PACS2: variants seen among roughly 807,000 people sequenced by gnomAD.
The protein encoded by PACS2 is phosphofurin acidic cluster sorting protein 2, also known as PACS1-like protein.
PACS2 carries 36 observed loss-of-function variants against 113.0 expected under a neutral mutation model. The observed-to-expected ratio is 0.32, with a 90% CI of 0.24 to 0.42. PACS2 has a LOEUF of 0.42. Ranked by LOEUF, PACS2 falls within the 10% of genes least tolerant of loss-of-function variation. PACS2 has a pLI of 1.00. For synonymous variants in PACS2, 589 were observed against 536.1 expected, an observed-to-expected ratio of 1.10 and a Z score of -1.36; for missense variants, 1,015 against 1,239.5, an observed-to-expected ratio of 0.82 and a Z score of 2.72.
intron 3 of PACS2, among the ~76,000 whole-genome samples, chr14:105,353,183 C>T (rs1225427323): frequency 5.5e-5 from 6 of 109,238 alleles, no homozygotes; most frequent in Non-Finnish European, 7.3e-5. Context: ...CCTGGGGTGA[C>T]GGGCCCCCCC....
At chr14:105,342,315 C>T (rs954921056) in intron 1 of PACS2, among the ~76,000 whole-genome samples, 5 of 151,714 alleles carry the variant, frequency 3.3e-5, no homozygotes, top group African/African-American at 1.2e-4. Flanking sequence ...GTCACCCAGG[C>T]TGAGTGTAGT....
Position 105,396,903 on chromosome 14 carries a change from A to AG in PACS2, c.*2235dup, listed in dbSNP as rs2081545750. 6.6e-6 allele frequency: 1 copy of AG among 152,262 alleles called. No individual in the cohort carries two copies. The highest frequency in any genetic ancestry group is 2.1e-4 in the South Asian group (1 of 4,832). The allele number at this position is 152,262 out of a possible 1,614,324, so 9.4% of individuals were successfully genotyped here. On this transcript the variant is annotated 3_prime_UTR_variant, in exon 25 of 25. Transcript: ENST00000447393. ...TGGCCTCAGAGCAGGTTTTAGAGGA[A>AG]GGGGCCACAGGCTGCCTAGTGCATC...
At chr14:105,384,585 G>A (rs2141259258) in intron 17 of PACS2, 122 bp downstream of exon 17, 1 of 656,890 alleles carries the variant, frequency 1.5e-6, no homozygotes, top group East Asian at 2.7e-5. Flanking sequence ...AGAGGCCATG[G>A]ACAGGGCCTG....
chr14:105,344,480 G>A (rs1411178094), intron 1 of PACS2, among the ~76,000 whole-genome samples: 1 of 152,036 alleles, frequency 6.6e-6, no homozygotes, highest in Non-Finnish European at 1.5e-5. Context: ...CTATTTCATC[G>A]TGGGGAGTTT....
At chr14:105,370,343 A>G (rs1430735542) in intron 8 of PACS2, 2 of 124,292 alleles carry the variant, frequency 1.6e-5, no homozygotes, top group Non-Finnish European at 3.1e-5. Flanking sequence ...CATTCCATGG[A>G]TTTTTAATGT....
intron 1 of PACS2, among the ~76,000 whole-genome samples, chr14:105,339,163 AGT>A (rs1248797952): frequency 6.6e-6 from 1 of 152,180 alleles, no homozygotes; most frequent in Non-Finnish European, 1.5e-5. Flanking sequence ...AAAGATGGAA[AGT>A]GGGGGACGCT....
chr14:105,369,384 C>T (rs1555408765), intron 7 of PACS2, among the ~76,000 whole-genome samples: 1 of 152,220 alleles, frequency 6.6e-6, no homozygotes, highest in Non-Finnish European at 1.5e-5. Flanking sequence ...GGGTCCCGCT[C>T]ACCCAGTGGC....
rs888092661 is a variant in PACS2 at position 105,315,457 on chromosome 14, C to A, written c.119+420C>A. 3.9e-5 allele frequency: 6 copies of A among 152,240 alleles called. No homozygotes were observed. Among genetic ancestry groups the A allele is most frequent in the African/African-American group, 1.2e-4 (5 of 41,466 alleles). 9.4% of individuals were successfully genotyped at this position (152,240 alleles called of 1,614,324 possible). ...CTGTCAGACCTCGGCCTGGGAGCGA[C>A]CCCCGGCGCACGGGGCGCGCAGGAC... is the stretch of plus-strand genomic sequence containing the variant. On this transcript the variant is annotated intron_variant, in intron 1 of 24. Coordinates refer to ENST00000447393, the MANE Select transcript of PACS2 (RefSeq NM_001100913.3). This position sits in a 1 kb window ranked among gnomAD's most constrained non-coding sequence, Gnocchi z 4.4.
At position 105,384,979 on chromosome 14, in the gene PACS2, G is replaced by A. The variant is rs1292392182; in HGVS notation, c.1992G>A (p.Lys664=). ...TCGCAGAGGCCATGCTGACCTACAA[G>A]CAGAAGAGGTAACGCGGTGGGCCCA... The part of the protein sequence containing the change: ...LPIAEAMLTY[K]QKRKKHFHFD... The change falls in exon 18 of 25, where the codon AAG becomes AAA. Residue 664 remains lysine, a synonymous_variant. Coordinates refer to ENST00000447393, the MANE Select transcript of PACS2 (RefSeq NM_001100913.3). 1 of 1,572,752 alleles carries A rather than the reference G, an allele frequency of 6.4e-7. No homozygotes were observed. The highest frequency in any genetic ancestry group is 8.6e-7 in the Non-Finnish European group (1 of 1,156,612).
chr14:105,326,596 T>C (rs1364928552), intron 1 of PACS2, among the ~76,000 whole-genome samples: 1 of 152,222 alleles, frequency 6.6e-6, no homozygotes, highest in East Asian at 1.9e-4. Flanking sequence ...CCCTTCCACA[T>C]TCTCGGGCTG....
intron 1 of PACS2, among the ~76,000 whole-genome samples, chr14:105,328,744 G>C (rs2059206490): frequency 6.6e-6 from 1 of 152,168 alleles, no homozygotes; most frequent in South Asian, 2.1e-4. Flanking sequence ...TTTCCAACTA[G>C]CTGTTTCTGT....
Position 105,396,290 on chromosome 14 carries a change from G to A in PACS2, c.*1618G>A, listed in dbSNP as rs1266886968. ...CCTTCACCTGGGACCAGGAGCCTGG[G>A]GCACACCCCAGGGTGGGGGAGAGGG... On this transcript the variant is annotated 3_prime_UTR_variant, in exon 25 of 25. Transcript: ENST00000447393. 2 of 152,264 alleles carry A rather than the reference G, an allele frequency of 1.3e-5. No individual in the cohort carries two copies. The highest frequency in any genetic ancestry group is 2.4e-5 in the African/African-American group (1 of 41,416). 9.4% of individuals were successfully genotyped at this position (152,264 alleles called of 1,614,324 possible). A position where few individuals can be genotyped will look rare whatever the true frequency, so the allele number is the denominator to read the frequency against.
intron 1 of PACS2, among the ~76,000 whole-genome samples, chr14:105,336,099 C>T (rs587766557): frequency 1.5e-4 from 23 of 152,332 alleles, no homozygotes; most frequent in Admixed American, 9.8e-4. Flanking sequence ...CGCGGGCAGG[C>T]TCGCGACCGC....
At chr14:105,372,363 C>T (rs1244566694) in intron 8 of PACS2, 6 of 152,136 alleles carry the variant, frequency 3.9e-5, no homozygotes, top group Non-Finnish European at 7.4e-5. Flanking sequence ...AATATCTTTT[C>T]GCAAAAAAAC....
At chr14:105,350,226 G>A (rs2060117175) in intron 2 of PACS2, among the ~76,000 whole-genome samples, 1 of 152,144 alleles carries the variant, frequency 6.6e-6, no homozygotes, top group African/African-American at 2.4e-5. Context: ...GGCTGTGTCT[G>A]GACCTCTTGG....
In PACS2 at chr14:105,392,696, A is replaced by T; in HGVS notation, c.2333A>T (p.Asp778Val). The change falls in exon 23 of 25, where the codon GAC becomes GTC. Residue 778 changes from aspartate to valine, a missense_variant. This residue lies in a region of PACS2 where 859 missense variants were observed against 1,056.8 expected (regional missense o/e 0.81). Transcript: ENST00000447393. ...GCACAGCCTGCGGACAGGAAGAGGG[A>T]CGCCGAGAAGAAGGACCTGCCTGTC... ...TAAQPADRKRDAEKKDLPVTK... is the reference protein window; with the variant it reads ...TAAQPADRKRVAEKKDLPVTK... 6.2e-7 allele frequency: 1 copy of T among 1,612,830 alleles called. No individual in the cohort carries two copies. The highest frequency in any genetic ancestry group is 8.5e-7 in the Non-Finnish European group (1 of 1,179,932).
intron 1 of PACS2, among the ~76,000 whole-genome samples, chr14:105,343,968 A>G (rs1007211892): frequency 1.3e-5 from 2 of 150,136 alleles, no homozygotes; most frequent in East Asian, 2.1e-4. Context: ...GCTCATGCCT[A>G]TAATCCCAGC....
intron 1 of PACS2, among the ~76,000 whole-genome samples, chr14:105,320,665 G>C (rs1477387182): frequency 6.6e-6 from 1 of 152,162 alleles, no homozygotes; most frequent in Non-Finnish European, 1.5e-5. Context: ...TTAGATGATA[G>C]TATCTTGTTT....
rs199748488 is a variant in PACS2 at position 105,381,028 on chromosome 14, T to G, written c.1197T>G (p.Asp399Glu). Residue 399 changes from aspartate to glutamate, a missense_variant, in exon 12 of 25, where the codon GAT (aspartate) becomes GAG (glutamate). Asp to Glu is a conservative substitution (Grantham distance 45, BLOSUM62 2). Transcript: ENST00000447393. Reference protein sequence around the residue: ...DSPEAEASTLDVFTERLPPSG... With the variant: ...DSPEAEASTLEVFTERLPPSG... ...CCGAGGCTGAGGCCTCCACCCTGGATGTGTTCACGGAGAGGCTGCCGCCCA... is the reference window on the plus strand; with the variant it reads ...CCGAGGCTGAGGCCTCCACCCTGGAGGTGTTCACGGAGAGGCTGCCGCCCA... The G allele has an allele frequency of 8.6e-5, 138 of 1,612,462 alleles. No individual in the cohort carries two copies. In the Middle Eastern group the frequency reaches 3.5e-3, roughly 40 times the overall value.
Sources: gnomAD v4.1 joint callset for allele counts (sites outside exome capture counted in the v4.1 genomes callset) on GRCh38, gnomAD v4.1.1 for gene constraint, gnomAD v4.1.1 regional missense constraint, Gnocchi (gnomAD v3.1) non-coding constraint, MANE v1.5 for transcripts, NCBI Gene and HGNC (gene_info 2026-07-23, HGNC 2026-07-21) for gene names.